The following TMTC3 variants were observed in gnomAD, a reference collection of about 807,000 sequenced individuals.
TMTC3 encodes the protein protein O-mannosyl-transferase TMTC3.
TMTC3 carries 52 observed loss-of-function variants against 92.2 expected under a neutral mutation model. That is an observed-to-expected ratio of 0.56 (90% CI 0.45 to 0.71). TMTC3 has a LOEUF of 0.71. Ranked by LOEUF, TMTC3 falls within the 30% of genes least tolerant of loss-of-function variation. The probability of loss-of-function intolerance (pLI) is 0.00; values close to 1 mark genes in which losing one functional copy is unlikely to be tolerated. For missense variants in TMTC3, 896 were observed against 1,057.1 expected, an observed-to-expected ratio of 0.85 and a Z score of 2.11; for synonymous variants, 339 against 363.3, an observed-to-expected ratio of 0.93 and a Z score of 0.76.
At chr12:88,157,561 C>G (rs1331092066) in intron 4 of TMTC3, among the ~76,000 whole-genome samples, 3 of 151,830 alleles carry the variant, frequency 2.0e-5, no homozygotes, top group African/African-American at 4.8e-5. Context: ...CTTTTTTTCT[C>G]TATAACACTT....
At position 88,172,647 on chromosome 12, in the gene TMTC3, TCCAG is replaced by T. The variant is rs1592738102; in HGVS notation, c.1102_1105del (p.Pro368LeufsTer21). 3.8e-6 allele frequency: 6 copies of T among 1,573,566 alleles called. No homozygotes were observed. Among genetic ancestry groups the T allele is most frequent in the African/African-American group, 2.7e-5 (2 of 73,362 alleles). ...TTATTCCTGCATCGAACCTTTTTTT[TCCAG>T]TTGGATTTGTTGTTGCCGAGCGAGT... On this transcript the variant is annotated frameshift_variant, in exon 8 of 14. Transcript: ENST00000266712. LOFTEE classifies it high-confidence loss of function.
At chr12:88,182,418 CT>C (rs1205190328) in intron 10 of TMTC3, among the ~76,000 whole-genome samples, 1 of 152,166 alleles carries the variant, frequency 6.6e-6, no homozygotes, top group African/African-American at 2.4e-5. Context: ...GGTTATGTAA[CT>C]TATCAGTAGT....
intron 1 of TMTC3, among the ~76,000 whole-genome samples, chr12:88,144,975 GT>G (rs2040854743): frequency 6.6e-6 from 1 of 152,178 alleles, no homozygotes; most frequent in South Asian, 2.1e-4. Flanking sequence ...AAGAACACTT[GT>G]CTGGACCTGC....
rs1378635884 is a variant in TMTC3, at chr12:88,154,145, C to T, written c.409-143C>T. The T allele has an allele frequency of 3.1e-5, 18 of 578,232 alleles. No homozygotes were observed. The East Asian group carries it at 5.3e-4, about 17-fold the overall frequency. The allele number at this position is 578,232 out of a possible 1,614,324, so 35.8% of individuals were successfully genotyped here. A position where few individuals can be genotyped will look rare whatever the true frequency, so the allele number is the denominator to read the frequency against. On this transcript the variant is annotated intron_variant, in intron 3 of 13. Transcript: ENST00000266712. ...TATTTATGTAAGATTCACAAATTCA[C>T]CACCTGAGGGCACCCAAAGAATGTT...
chr12:88,198,148 A>ATAAC lies in TMTC3; in HGVS notation c.*2501_*2504dup, dbSNP rs1163818614. 9.4e-5 allele frequency: 37 copies of ATAAC among 393,252 alleles called. 1 individual carries two copies. Among genetic ancestry groups the ATAAC allele is most frequent in the Non-Finnish European group, 1.3e-5 (3 of 222,834 alleles). 24.4% of individuals were successfully genotyped at this position (393,252 alleles called of 1,614,324 possible). A position where few individuals can be genotyped will look rare whatever the true frequency, so the allele number is the denominator to read the frequency against. The stretch of plus-strand genomic sequence containing the variant: ...TGTGTAAGATTATTATTTCTTCTCT[A>ATAAC]TAACTTCAAAATAGATATTTCATTC... On this transcript the variant is annotated 3_prime_UTR_variant, in exon 14 of 14. Coordinates refer to ENST00000266712, the MANE Select transcript of TMTC3 (RefSeq NM_181783.4).
intron 7 of TMTC3, among the ~76,000 whole-genome samples, chr12:88,171,846 G>A (rs1200431639): frequency 2.0e-5 from 3 of 151,926 alleles, no homozygotes; most frequent in Admixed American, 6.6e-5. Flanking sequence ...TTTCCTTTAC[G>A]TTCTTGCCAA....
chr12:88,154,859 C>T (rs958874174), intron 4 of TMTC3, among the ~76,000 whole-genome samples: 1 of 152,046 alleles, frequency 6.6e-6, no homozygotes, highest in Non-Finnish European at 1.5e-5. Context: ...GAAAGTGCTT[C>T]GAATACATTA....
intron 7 of TMTC3, among the ~76,000 whole-genome samples, chr12:88,168,757 A>G (rs537889316): frequency 1.3e-5 from 2 of 152,356 alleles, no homozygotes; most frequent in African/African-American, 4.8e-5. Context: ...TACCTGAGGT[A>G]TGTAACGAAT....
At chr12:88,160,899 G>T (rs1399531307) in intron 6 of TMTC3, 48 bp downstream of exon 6, 283 of 1,462,152 alleles carry the variant, frequency 1.9e-4, no homozygotes, top group South Asian at 1.1e-3. Context: ...TTTTAACTTT[G>T]GATTTTAATG....
intron 10 of TMTC3, among the ~76,000 whole-genome samples, chr12:88,181,259 A>G (rs1346032646): frequency 1.3e-5 from 2 of 152,222 alleles, no homozygotes; most frequent in African/African-American, 2.4e-5. Context: ...ATTGGTATCA[A>G]TGGATACATG....
At chr12:88,155,541 T>C (rs1017175819) in intron 4 of TMTC3, among the ~76,000 whole-genome samples, 1 of 152,200 alleles carries the variant, frequency 6.6e-6, no homozygotes, top group African/African-American at 2.4e-5. Context: ...ATAGACCTTC[T>C]TGCTGTTCCC....
intron 6 of TMTC3, among the ~76,000 whole-genome samples, chr12:88,165,073 C>T (rs187289334): frequency 6.6e-6 from 1 of 152,144 alleles, no homozygotes; most frequent in East Asian, 1.9e-4. Flanking sequence ...TCCCTATCTA[C>T]AGTCTAAAAA....
In TMTC3 at chr12:88,197,620, T is replaced by C. The variant is rs959544101; in HGVS notation, c.*1971T>C. The C allele has an allele frequency of 2.0e-5, 3 of 151,946 alleles. No individual in the cohort carries two copies. Among genetic ancestry groups the C allele is most frequent in the African/African-American group, 7.2e-5 (3 of 41,442 alleles). The allele number at this position is 151,946 out of a possible 1,614,324, so 9.4% of individuals were successfully genotyped here. On this transcript the variant is annotated 3_prime_UTR_variant, in exon 14 of 14. Coordinates refer to ENST00000266712, the MANE Select transcript of TMTC3 (RefSeq NM_181783.4). The stretch of plus-strand genomic sequence containing the variant: ...GTAATATTTTAATAAATTTATATAA[T>C]TCAAATGATAAAAATGTATCAATGT...
intron 11 of TMTC3, 111 bp from the exon 12 acceptor site, chr12:88,190,342 G>GT: frequency 1.1e-6 from 1 of 916,376 alleles, no homozygotes; most frequent in African/African-American, 1.7e-5. Context: ...TCAGTCCAGT[G>GT]TATTTTTTAC....
rs150628932 is a variant in TMTC3, at chr12:88,184,425, C to T, written c.1433-4418C>T. 5.5e-3 allele frequency among the ~76,000 whole-genome samples: 831 copies of T among 152,336 alleles called. 14 individuals are homozygous for T. The highest frequency in any genetic ancestry group is 0.019 in the African/African-American group (777 of 41,572). The stretch of plus-strand genomic sequence containing the variant: ...GATAAGAGAATCTGGCGGCCTTCAG[C>T]CATAATTCCCTTCGGAAGCTTTTGC... On this transcript the variant is annotated intron_variant, in intron 10 of 13. Coordinates refer to ENST00000266712, the MANE Select transcript of TMTC3 (RefSeq NM_181783.4).
rs1309943630 is a variant in TMTC3, at chr12:88,154,293, A to G, written c.414A>G (p.Thr138=). The change falls in exon 4 of 14, where the codon ACA becomes ACG. Residue 138 remains threonine (T), a synonymous_variant. Coordinates refer to ENST00000266712, the MANE Select transcript of TMTC3 (RefSeq NM_181783.4). ...CCTTCATTTTTCCTTTCTAGGTAAC[A>G]GGAGTTGTTGGAAGAGCAGAACTTT... is the stretch of plus-strand genomic sequence containing the variant. ...AVHPIHTEAV[T]GVVGRAELLS... is the part of the protein sequence containing the mutation. The G allele has an allele frequency of 1.2e-6, 2 of 1,603,146 alleles. No homozygotes were observed. Among genetic ancestry groups the G allele is most frequent in the Non-Finnish European group, 1.7e-6 (2 of 1,176,668 alleles).
At chr12:88,146,457 C>A (rs181775452) in intron 1 of TMTC3, among the ~76,000 whole-genome samples, 1 of 151,874 alleles carries the variant, frequency 6.6e-6, no homozygotes, top group Non-Finnish European at 1.5e-5. Flanking sequence ...TAATAAGTAG[C>A]AGAGACTAGT....
chr12:88,191,056 A>C (rs963147955), intron 12 of TMTC3, among the ~76,000 whole-genome samples: 1 of 152,150 alleles, frequency 6.6e-6, no homozygotes, highest in Non-Finnish European at 1.5e-5. Context: ...TCAGCAAAAA[A>C]AAAAGTTTTC....
At chr12:88,164,189 CAAAAAAAAAA>C (rs1008391943) in intron 6 of TMTC3, among the ~76,000 whole-genome samples, 1 of 48,824 alleles carries the variant, frequency 2.0e-5, no homozygotes, top group South Asian at 8.1e-4. Flanking sequence ...GACTTTGTCT[CAAAAAAAAAA>C]AAAAAAAAAA....
Sources: allele counts gnomAD v4.1 joint callset (sites outside exome capture counted in the v4.1 genomes callset), GRCh38; gene constraint gnomAD v4.1.1; transcripts MANE v1.5; gene names NCBI Gene and HGNC (gene_info 2026-07-23, HGNC 2026-07-21).